The following KLHL4 variants were observed in gnomAD, a reference collection of about 807,000 sequenced individuals.
The protein encoded by KLHL4 is kelch-like protein 4.
KLHL4 carries 17 observed loss-of-function variants against 45.8 expected under a neutral mutation model. The observed-to-expected ratio is 0.37, with a 90% CI of 0.25 to 0.56. KLHL4 has a LOEUF of 0.56. Among genes scored for constraint, KLHL4 ranks in the 20% least tolerant of loss-of-function variants. The probability of loss-of-function intolerance (pLI) is 0.79; values close to 1 mark genes in which losing one functional copy is unlikely to be tolerated. For missense variants in KLHL4, 544 were observed against 544.9 expected (o/e 1.00, Z 0.02); for synonymous variants, 224 against 189.9 (o/e 1.18, Z -1.47).
chrX:87,667,066 G>A lies in KLHL4; in HGVS notation c.*532G>A. On this transcript the variant is annotated 3_prime_UTR_variant, in exon 11 of 11. Transcript: ENST00000373119. The stretch of plus-strand genomic sequence containing the variant: ...AACAATTCCTTACATTTACCAAGAG[G>A]AAAGCTTTTACTGTGTTGAAGCTAA... The A allele has an allele frequency of 2.8e-6, 2 of 719,306 alleles. No individual in the cohort carries two copies. The highest frequency in any genetic ancestry group is 3.2e-6 in the Non-Finnish European group (2 of 619,895). 59.3% of individuals were successfully genotyped at this position (719,306 alleles called of 1,213,427 possible).
chrX:87,613,838 A>T, intron 1 of KLHL4, 39 bp from the exon 2 acceptor site: 1 of 1,015,601 alleles, frequency 9.8e-7, no homozygotes, highest in South Asian at 3.5e-5. Context: ...TTACAAAATT[A>T]TATGATGAAC....
chrX:87,534,304 T>C (rs151254681), intron 1 of KLHL4, among the ~76,000 whole-genome samples: 1,133 of 111,003 alleles, frequency 0.01, 14 homozygotes, highest in African/African-American at 0.035. Flanking sequence ...ATTTGACTTA[T>C]TGGTTTGGGG....
chrX:87,568,391 C>CTTTTTTTTTTTTTTTTTTTTTTT (rs58586775), intron 1 of KLHL4, among the ~76,000 whole-genome samples: 4 of 57,504 alleles, frequency 7.0e-5, no homozygotes, highest in Non-Finnish European at 5.9e-5. Context: ...TTCTTTTTTT[C>CTTTTTTTTTTTTTTTTTTTTTTT]TTTTTTTTTT....
At chrX:87,602,901 A>C (rs771328423) in intron 1 of KLHL4, among the ~76,000 whole-genome samples, 4 of 112,035 alleles carry the variant, frequency 3.6e-5, no homozygotes, top group Non-Finnish European at 7.5e-5. Context: ...AAGAATATGT[A>C]AGGTGCCCTG....
intron 1 of KLHL4, among the ~76,000 whole-genome samples, chrX:87,549,853 C>A (rs1931774812): frequency 9.1e-6 from 1 of 110,433 alleles, no homozygotes; most frequent in African/African-American, 3.3e-5. Flanking sequence ...AAAGATGCAT[C>A]TTGAAGAACT....
At chrX:87,543,502 C>T (rs1378617952) in intron 1 of KLHL4, among the ~76,000 whole-genome samples, 1 of 111,508 alleles carries the variant, frequency 9.0e-6, no homozygotes, top group Non-Finnish European at 1.9e-5. Flanking sequence ...CCACCCCTCC[C>T]CAACACCCAG....
intron 1 of KLHL4, among the ~76,000 whole-genome samples, chrX:87,578,885 A>G (rs1224236990): frequency 8.9e-6 from 1 of 112,265 alleles, no homozygotes; most frequent in Non-Finnish European, 1.9e-5. Context: ...TCAGATTGAG[A>G]GAAGTCACAG....
At position 87,666,763 on chromosome X, in the gene KLHL4, T is replaced by C. The variant is rs928345590; in HGVS notation, c.*229T>C. The C allele has an allele frequency of 5.1e-5, 47 of 917,393 alleles. No homozygotes were observed. The East Asian group carries it at 2.3e-3, about 45-fold the overall frequency. 75.6% of individuals were successfully genotyped at this position (917,393 alleles called of 1,213,427 possible). On this transcript the variant is annotated 3_prime_UTR_variant, in exon 11 of 11. Coordinates refer to ENST00000373119, the MANE Select transcript of KLHL4 (RefSeq NM_019117.5). The stretch of plus-strand genomic sequence containing the variant: ...GCATATGTGCTTTCGCAGCTGATAA[T>C]ATAAAAGGAAATCCCACAGTCTAGA...
chrX:87,584,857 C>CA (rs35181676), intron 1 of KLHL4, among the ~76,000 whole-genome samples: 82 of 76,711 alleles, frequency 1.1e-3, no homozygotes, highest in Middle Eastern at 0.013. Flanking sequence ...TATCCGTATC[C>CA]AAAAAAAAAA....
At chrX:87,552,186 A>G (rs1217314575) in intron 1 of KLHL4, among the ~76,000 whole-genome samples, 1 of 111,077 alleles carries the variant, frequency 9.0e-6, no homozygotes, top group Non-Finnish European at 1.9e-5. Context: ...AACAAGCTCA[A>G]ACAAATCAGT....
At chrX:87,529,058 T>C (rs1164791565) in intron 1 of KLHL4, among the ~76,000 whole-genome samples, 2 of 91,753 alleles carry the variant, frequency 2.2e-5, no homozygotes, top group Non-Finnish European at 4.2e-5. Flanking sequence ...TTCAAAGTGA[T>C]AAAAGGAAAA....
intron 1 of KLHL4, among the ~76,000 whole-genome samples, chrX:87,529,221 A>G (rs1329721189): frequency 2.7e-5 from 3 of 111,640 alleles, no homozygotes; most frequent in East Asian, 5.6e-4. Context: ...GCAACTAGAA[A>G]TCAAAAGATG....
At chrX:87,592,866 G>A (rs1921718625) in intron 1 of KLHL4, among the ~76,000 whole-genome samples, 1 of 111,941 alleles carries the variant, frequency 8.9e-6, no homozygotes, top group South Asian at 3.7e-4. Context: ...TCTGTGGGTT[G>A]TATCTTCACT....
chrX:87,557,472 C>G (rs1371230335), intron 1 of KLHL4, among the ~76,000 whole-genome samples: 1 of 111,571 alleles, frequency 9.0e-6, no homozygotes, highest in African/African-American at 3.3e-5. Flanking sequence ...GCTCAAAATA[C>G]CAGACATCAT....
chrX:87,614,121 A>T (rs1922475451), intron 2 of KLHL4, 77 bp downstream of exon 2: 6 of 727,356 alleles, frequency 8.2e-6, no homozygotes, highest in African/African-American at 2.2e-5. Context: ...ATGGATTATA[A>T]ACTGGAATAT....
intron 1 of KLHL4, among the ~76,000 whole-genome samples, chrX:87,584,737 A>T (rs1184349945): frequency 9.1e-6 from 1 of 110,322 alleles, no homozygotes; most frequent in Non-Finnish European, 1.9e-5. Flanking sequence ...AAACCCTCAA[A>T]AGGGCAAATC....
chrX:87,653,873 G>T (rs1483518290), intron 9 of KLHL4, among the ~76,000 whole-genome samples: 1 of 111,526 alleles, frequency 9.0e-6, no homozygotes, highest in Non-Finnish European at 1.9e-5. Context: ...GCAAACTAAT[G>T]CAGGAACAGA....
chrX:87,611,507 A>G (rs1922369346), intron 1 of KLHL4, among the ~76,000 whole-genome samples: 1 of 111,079 alleles, frequency 9.0e-6, no homozygotes, highest in Non-Finnish European at 1.9e-5. Flanking sequence ...CAATGCAACC[A>G]TTGTTCACAA....
At chrX:87,568,991 A>AT in intron 1 of KLHL4, among the ~76,000 whole-genome samples, 1 of 111,512 alleles carries the variant, frequency 9.0e-6, no homozygotes, top group Admixed American at 9.5e-5. Context: ...ATCAAAATAA[A>AT]TTTTTTATGC....
Sources: gnomAD v4.1 joint callset for allele counts (sites outside exome capture counted in the v4.1 genomes callset) on GRCh38, gnomAD v4.1.1 for gene constraint, MANE v1.5 for transcripts, NCBI Gene and HGNC (gene_info 2026-07-23, HGNC 2026-07-21) for gene names.